NRXN3: variants seen among roughly 807,000 people sequenced by gnomAD.
NRXN3 encodes neurexin III.
Under a neutral mutation model 137.6 loss-of-function variants are expected in NRXN3, and 32 were observed. The ratio of observed to expected loss-of-function variants is 0.23; its 90% CI spans 0.18 to 0.31. The LOEUF is 0.31. Ranked by LOEUF, NRXN3 falls within the 10% of genes least tolerant of loss-of-function variation. NRXN3 has a pLI of 1.00. For missense variants in NRXN3, 1,574 were observed against 2,062.5 expected (o/e 0.76, Z 4.59); for synonymous variants, 798 against 784.5 (o/e 1.02, Z -0.29).
intron 15 of NRXN3, among the ~76,000 whole-genome samples, chr14:78,997,183 C>G (rs1330922087): frequency 6.6e-6 from 1 of 152,152 alleles, no homozygotes; most frequent in Non-Finnish European, 1.5e-5. Flanking sequence ...TTTCTACAAA[C>G]CCCAGTAGAC....
At chr14:79,164,089 C>A (rs1011630867) in intron 15 of NRXN3, among the ~76,000 whole-genome samples, 1 of 151,914 alleles carries the variant, frequency 6.6e-6, no homozygotes, top group Non-Finnish European at 1.5e-5. Context: ...TCATCTTCTC[C>A]TTAATAACCT....
At chr14:79,260,929 A>G (rs760346471) in intron 15 of NRXN3, among the ~76,000 whole-genome samples, 1 of 152,164 alleles carries the variant, frequency 6.6e-6, no homozygotes, top group Non-Finnish European at 1.5e-5. Flanking sequence ...CATATTTTTC[A>G]CCATTACAGA....
intron 8 of NRXN3, among the ~76,000 whole-genome samples, chr14:78,751,583 A>G (rs2098642572): frequency 6.6e-6 from 1 of 152,208 alleles, no homozygotes; most frequent in Non-Finnish European, 1.5e-5. Context: ...TGGGTGAAGC[A>G]TCTGTGAGTG....
At chr14:79,021,597 A>G (rs1348883580) in intron 15 of NRXN3, among the ~76,000 whole-genome samples, 1 of 152,104 alleles carries the variant, frequency 6.6e-6, no homozygotes, top group Admixed American at 6.5e-5. Context: ...CTCACAATCT[A>G]GTGGAGAGGA....
At chr14:78,185,853 T>C (rs1569326) in intron 1 of NRXN3, among the ~76,000 whole-genome samples, 126,874 of 152,124 alleles carry the variant, frequency 0.83, 53,135 homozygotes, top group Middle Eastern at 0.89. Context: ...CACAATGGGA[T>C]GCTCCTGTAG....
At chr14:78,418,657 A>G (rs986793331) in intron 4 of NRXN3, among the ~76,000 whole-genome samples, 3 of 152,172 alleles carry the variant, frequency 2.0e-5, no homozygotes, top group Non-Finnish European at 4.4e-5. Context: ...CTTTAGAAAC[A>G]AGCATTTTCT....
chr14:79,290,947 T>G (rs1016676021), intron 15 of NRXN3, among the ~76,000 whole-genome samples: 1 of 152,204 alleles, frequency 6.6e-6, no homozygotes, highest in Non-Finnish European at 1.5e-5. Flanking sequence ...AGCCACTTTC[T>G]GATACATTTA....
chr14:79,716,475 A>G (rs1047322835), intron 19 of NRXN3, among the ~76,000 whole-genome samples: 3 of 152,158 alleles, frequency 2.0e-5, no homozygotes, highest in African/African-American at 7.2e-5. Context: ...GCCTTCTGGT[A>G]TTTCACTTGC....
At chr14:78,444,226 A>G (rs73316418) in intron 4 of NRXN3, among the ~76,000 whole-genome samples, 1,664 of 152,346 alleles carry the variant, frequency 0.011, 27 homozygotes, top group African/African-American at 0.038. Context: ...TGATGACATG[A>G]ATAGTGATAT....
intron 4 of NRXN3, among the ~76,000 whole-genome samples, chr14:78,417,707 C>G (rs1051251380): frequency 2.0e-5 from 3 of 152,178 alleles, no homozygotes; most frequent in Non-Finnish European, 2.9e-5. Flanking sequence ...AGACAAGATT[C>G]TCATCTTGAA....
At chr14:79,117,345 G>T (rs1402859560) in intron 15 of NRXN3, among the ~76,000 whole-genome samples, 2 of 152,154 alleles carry the variant, frequency 1.3e-5, no homozygotes, top group Non-Finnish European at 2.9e-5. Flanking sequence ...TCACAGAAGG[G>T]TGCAGAGTGC....
chr14:78,701,513 G>A (rs1439795605), intron 6 of NRXN3, among the ~76,000 whole-genome samples: 1 of 152,096 alleles, frequency 6.6e-6, no homozygotes, highest in Non-Finnish European at 1.5e-5. Flanking sequence ...AATGAGGTAT[G>A]GTCTAAGGAT....
rs536407563 is a variant in NRXN3 at position 79,539,912 on chromosome 14, C to G, written c.3444+72510C>G. On this transcript the variant is annotated intron_variant, in intron 16 of 20. Transcript: ENST00000335750. ...CTGAGATCCAGGTATTCCTCTTTACCTCGTCGTCTTGCTATTTTTTCTAGG... is the reference window on the plus strand; with the variant it reads ...CTGAGATCCAGGTATTCCTCTTTACGTCGTCGTCTTGCTATTTTTTCTAGG... Among the ~76,000 whole-genome samples, 4 of 152,100 alleles carry G rather than the reference C, an allele frequency of 2.6e-5. No homozygotes were observed. The South Asian group carries it at 6.2e-4, about 24-fold the overall frequency.
rs151299237 is a variant in NRXN3 at position 78,448,293 on chromosome 14, C to T, written c.757+150433C>T. 2.5e-3 allele frequency among the ~76,000 whole-genome samples: 381 copies of T among 152,262 alleles called. 2 individuals carry two copies. The highest frequency in any genetic ancestry group is 8.6e-3 in the African/African-American group (357 of 41,544). ...TGTAGCACAGAGCAATTGCCCAATA[C>T]CTGTTTTAATTGGAATGCAGGATGA... On this transcript the variant is annotated intron_variant, in intron 4 of 20. Coordinates refer to ENST00000335750, the MANE Select transcript of NRXN3 (RefSeq NM_001330195.2).
At position 79,432,848 on chromosome 14, in the gene NRXN3, A is replaced by G. The variant is rs1341925740; in HGVS notation, c.3263-34373A>G. ...GCACGTGTTACTGAGATGCAGACAC[A>G]TGCAATTCTGGTGACCGAGTTCTCA... On this transcript the variant is annotated intron_variant, in intron 15 of 20. Coordinates refer to ENST00000335750, the MANE Select transcript of NRXN3 (RefSeq NM_001330195.2). Among the ~76,000 whole-genome samples, 7 of 152,202 alleles carry G rather than the reference A, an allele frequency of 4.6e-5. No homozygotes were observed. In the South Asian group the frequency reaches 1.4e-3, roughly 31 times the overall value.
intron 8 of NRXN3, among the ~76,000 whole-genome samples, chr14:78,790,443 T>A (rs2098801884): frequency 2.0e-5 from 3 of 152,144 alleles, no homozygotes; most frequent in Admixed American, 2.0e-4. Flanking sequence ...TCACCCCACA[T>A]CCATTTTGTT....
intron 16 of NRXN3, among the ~76,000 whole-genome samples, chr14:79,581,747 G>T (rs1044672393): frequency 6.6e-6 from 1 of 152,068 alleles, no homozygotes; most frequent in African/African-American, 2.4e-5. Context: ...AGTTTTCTTT[G>T]TGTATGTGAT....
At chr14:79,731,543 A>AAAT (rs2098922638) in intron 19 of NRXN3, among the ~76,000 whole-genome samples, 1 of 152,212 alleles carries the variant, frequency 6.6e-6, no homozygotes, top group African/African-American at 2.4e-5. Flanking sequence ...ATTTAAGCAC[A>AAAT]AATAAAACTC....
At chr14:78,922,720 G>A (rs949157683) in intron 10 of NRXN3, among the ~76,000 whole-genome samples, 1 of 152,058 alleles carries the variant, frequency 6.6e-6, no homozygotes, top group African/African-American at 2.4e-5. Context: ...GCAGGGGGAG[G>A]GAGAGCATCA....
Sources: allele counts gnomAD v4.1 joint callset (sites outside exome capture counted in the v4.1 genomes callset), GRCh38; gene constraint gnomAD v4.1.1; transcripts MANE v1.5; gene names NCBI Gene and HGNC (gene_info 2026-07-23, HGNC 2026-07-21).